Variants in C1orf35 observed in about 807,000 individuals in gnomAD.
C1orf35 encodes the protein chromosome 1 open reading frame 35.
In C1orf35, 36 loss-of-function variants were observed where a neutral mutation model predicts 30.9. The observed-to-expected ratio is 1.16, with a 90% CI of 0.89 to 1.54. The LOEUF (loss-of-function observed/expected upper bound fraction) is 1.54, where lower values mean the gene tolerates loss of function less well. Among genes scored for constraint, C1orf35 ranks in the 40% most tolerant of loss-of-function variants. The probability of loss-of-function intolerance (pLI) is 0.00; values close to 1 mark genes in which losing one functional copy is unlikely to be tolerated. For missense variants in C1orf35, 396 were observed against 358.7 expected, an observed-to-expected ratio of 1.10 and a Z score of -0.84; for synonymous variants, 179 against 148.2, an observed-to-expected ratio of 1.21 and a Z score of -1.51.
In C1orf35 at chr1:228,102,122, G is replaced by A. The variant is rs1338646634; in HGVS notation, c.491C>T (p.Ser164Leu). 1.9e-6 allele frequency: 3 copies of A among 1,575,972 alleles called. No homozygotes were observed. The highest frequency in any genetic ancestry group is 1.8e-5 in the Admixed American group (1 of 56,274). ...ESGGPGTSAA[S>L]ARRKPRAEDQ... ...CTCCGCCCGCGGCTTCCTCCTGGCCGAGGCTGCCGAGGTCCCGGGCCCGCC... is the reference window on the plus strand; with the variant it reads ...CTCCGCCCGCGGCTTCCTCCTGGCCAAGGCTGCCGAGGTCCCGGGCCCGCC... Residue 164 changes from serine to leucine, a missense_variant, in exon 6 of 8, where the codon TCG becomes TTG. Ser to Leu is a moderately radical substitution (Grantham distance 145). Transcript: ENST00000272139.
chr1:228,101,818 A>C, intron 6 of C1orf35: 2 of 1,409,128 alleles, frequency 1.4e-6, no homozygotes, highest in Non-Finnish European at 1.8e-6. Flanking sequence ...CGGCAGGAAA[A>C]GGCCCCGCCC....
chr1:228,103,048 G>A lies in C1orf35; in HGVS notation c.96C>T (p.Gly32=). 6.3e-7 allele frequency: 1 copy of A among 1,599,114 alleles called. No individual in the cohort carries two copies. Among genetic ancestry groups the A allele is most frequent in the Non-Finnish European group, 8.5e-7 (1 of 1,174,184 alleles). Residue 32 remains glycine (G), a splice_region_variant and synonymous_variant, in exon 2 of 8, where the codon GGC becomes GGT. Transcript: ENST00000272139. ...GGCCTACCGGCGCCATCAGCGAGTT[G>A]CCTGCGGACGTAGACGCTGTGAGTC... ...KTDKQRENYL[G]NSLMAPVGRW...
rs1282410204 is a variant in C1orf35, at chr1:228,101,093, T to C, written c.*38A>G. ...GGAGGCAAGCAAGGTGAAGGGAGGG[T>C]TCAGGGTCCCACAACAGCAGTGAGC... On this transcript the variant is annotated 3_prime_UTR_variant, in exon 8 of 8. Transcript: ENST00000272139. 6.2e-7 allele frequency: 1 copy of C among 1,607,594 alleles called. No homozygotes were observed. Among genetic ancestry groups the C allele is most frequent in the Non-Finnish European group, 8.5e-7 (1 of 1,179,800 alleles).
Position 228,102,104 on chromosome 1 carries a change from C to G in C1orf35, c.509G>C (p.Arg170Pro). The G allele has an allele frequency of 6.3e-7, 1 of 1,582,860 alleles. No homozygotes were observed. Among genetic ancestry groups the G allele is most frequent in the South Asian group, 1.1e-5 (1 of 88,254 alleles). Residue 170 changes from arginine to proline, a missense_variant, in exon 6 of 8, where the codon CGG (arginine) becomes CCG (proline). By Grantham distance (103) the Arg-to-Pro change is moderately radical. Coordinates refer to ENST00000272139, the MANE Select transcript of C1orf35 (RefSeq NM_024319.4). ...TSAASARRKP[R>P]AEDQTESSCE... Reference sequence around the variant, plus strand: ...CCTGCTTTCCGTCTGATCCTCCGCCCGCGGCTTCCTCCTGGCCGAGGCTGC... The same window carrying G: ...CCTGCTTTCCGTCTGATCCTCCGCCGGCGGCTTCCTCCTGGCCGAGGCTGC...
In C1orf35 at chr1:228,101,099, G is replaced by A. The variant is rs778651554; in HGVS notation, c.*32C>T. 5 of 1,609,158 alleles carry A rather than the reference G, an allele frequency of 3.1e-6. No homozygotes were observed. Among genetic ancestry groups the A allele is most frequent in the Admixed American group, 1.7e-5 (1 of 59,994 alleles). On this transcript the variant is annotated 3_prime_UTR_variant, in exon 8 of 8. Coordinates refer to ENST00000272139, the MANE Select transcript of C1orf35 (RefSeq NM_024319.4). ...AAGCAAGGTGAAGGGAGGGTTCAGG[G>A]TCCCACAACAGCAGTGAGCAGGGTC... is the stretch of plus-strand genomic sequence containing the variant.
In C1orf35 at chr1:228,100,974, G is replaced by A; in HGVS notation, c.*157C>T. On this transcript the variant is annotated 3_prime_UTR_variant, in exon 8 of 8. Coordinates refer to ENST00000272139, the MANE Select transcript of C1orf35 (RefSeq NM_024319.4). ...CAGGAAGCCGGCTGCTCCAGAGCTA[G>A]CTGTCAAGTCTTTAGCCCCACAGGC... 9.1e-7 allele frequency: 1 copy of A among 1,101,514 alleles called. No individual in the cohort carries two copies. The highest frequency in any genetic ancestry group is 1.3e-6 in the Non-Finnish European group (1 of 775,838). The allele number at this position is 1,101,514 out of a possible 1,614,324, so 68.2% of individuals were successfully genotyped here.
rs1017829436 is a variant in C1orf35, at chr1:228,101,791, C to T, written c.533+289G>A. 2.1e-6 allele frequency: 3 copies of T among 1,410,628 alleles called. No individual in the cohort carries two copies. The African/African-American group carries it at 4.3e-5, about 20-fold the overall frequency. The allele number at this position is 1,410,628 out of a possible 1,614,324, so 87.4% of individuals were successfully genotyped here. On this transcript the variant is annotated intron_variant, in intron 6 of 7. Coordinates refer to ENST00000272139, the MANE Select transcript of C1orf35 (RefSeq NM_024319.4). ...CCCAGGCTCACCATCCAGGAGAAGC[C>T]CTGGAGGTGCCACCCACGGCAGGAA...
intron 5 of C1orf35, 38 bp downstream of exon 5, chr1:228,102,272 G>T: frequency 6.2e-7 from 1 of 1,603,108 alleles, no homozygotes; most frequent in Non-Finnish European, 8.5e-7. Context: ...CCCCACCCCT[G>T]TTAGCCCCTG....
chr1:228,102,149 C>T lies in C1orf35; in HGVS notation c.464G>A (p.Ser155Asn). 1 of 1,585,152 alleles carries T rather than the reference C, an allele frequency of 6.3e-7. No homozygotes were observed. Among genetic ancestry groups the T allele is most frequent in the Non-Finnish European group, 8.5e-7 (1 of 1,173,116 alleles). ...LSVFTHHRVESGGPGTSAASA... is the reference protein window; with the variant it reads ...LSVFTHHRVENGGPGTSAASA... ...GGCTGCCGAGGTCCCGGGCCCGCCGCTCTCTACGCGGTGATGCTGCGGGAG... is the reference window on the plus strand; with the variant it reads ...GGCTGCCGAGGTCCCGGGCCCGCCGTTCTCTACGCGGTGATGCTGCGGGAG... The change falls in exon 6 of 8, where the codon AGC (serine) becomes AAC (asparagine). Residue 155 changes from serine (S) to asparagine (N), a missense_variant. Transcript: ENST00000272139.
chr1:228,102,779 C>T (rs1016134617), intron 2 of C1orf35, 91 bp from the exon 3 acceptor site: 1 of 1,465,226 alleles, frequency 6.8e-7, no homozygotes, highest in African/African-American at 1.4e-5. Context: ...AGGGTCCCGC[C>T]CGCGCGAGTC....
rs140393278 is a variant in C1orf35 at position 228,101,162 on chromosome 1, C to T, written c.761G>A (p.Arg254His). 271 of 1,613,836 alleles carry T rather than the reference C, an allele frequency of 1.7e-4. No homozygotes were observed. The highest frequency in any genetic ancestry group is 2.2e-4 in the Non-Finnish European group (258 of 1,180,050). Residue 254 changes from arginine to histidine, a missense_variant, in exon 8 of 8, where the codon CGC (arginine) becomes CAC (histidine). Arg to His is a conservative substitution (Grantham distance 29, BLOSUM62 0). Coordinates refer to ENST00000272139, the MANE Select transcript of C1orf35 (RefSeq NM_024319.4). ...GHSGDRRSPSRRWHDRGSEA is the reference protein window; with the variant it reads ...GHSGDRRSPSHRWHDRGSEA Reference sequence around the variant, plus strand: ...CTCAGAGCCTCTGTCATGCCACCTGCGAGACGGGCTCCTCCTGTCCCCACT... The same window carrying T: ...CTCAGAGCCTCTGTCATGCCACCTGTGAGACGGGCTCCTCCTGTCCCCACT...
chr1:228,103,071 G>C, intron 1 of C1orf35, 22 bp from the exon 2 acceptor site: 2 of 1,605,522 alleles, frequency 1.2e-6, no homozygotes, highest in Non-Finnish European at 1.7e-6. Context: ...GACGCTGTGA[G>C]TCCAGCGCCC....
At position 228,101,224 on chromosome 1, in the gene C1orf35, G is replaced by A; in HGVS notation, c.699C>T (p.Ser233=). Reference sequence around the variant, plus strand: ...TCCTCCTCTTACAGCAGGGGGAGTTGGAGTCGGAGTCATGGTGGTGGTGCC... The same window carrying A: ...TCCTCCTCTTACAGCAGGGGGAGTTAGAGTCGGAGTCATGGTGGTGGTGCC... ...RPRHHHHDSD[S]NSPCCKRRKR... The change falls in exon 8 of 8, where the codon TCC becomes TCT. Residue 233 remains serine, a synonymous_variant. Transcript: ENST00000272139. The A allele has an allele frequency of 6.2e-7, 1 of 1,614,124 alleles. No individual in the cohort carries two copies. The highest frequency in any genetic ancestry group is 8.5e-7 in the Non-Finnish European group (1 of 1,180,016).
In C1orf35 at chr1:228,103,316, G is replaced by A; in HGVS notation, c.-89C>T. On this transcript the variant is annotated 5_prime_UTR_variant, in exon 1 of 8. Coordinates refer to ENST00000272139, the MANE Select transcript of C1orf35 (RefSeq NM_024319.4). ...CGCTACCCACTACCGTCGGACCCAGGCCCGACCCCGCCTCCGCGTCGCGCG... is the reference window on the plus strand; with the variant it reads ...CGCTACCCACTACCGTCGGACCCAGACCCGACCCCGCCTCCGCGTCGCGCG... 2 of 1,440,338 alleles carry A rather than the reference G, an allele frequency of 1.4e-6. No individual in the cohort carries two copies. Among genetic ancestry groups the A allele is most frequent in the Non-Finnish European group, 1.9e-6 (2 of 1,072,888 alleles). The allele number at this position is 1,440,338 out of a possible 1,614,324, so 89.2% of individuals were successfully genotyped here.
Position 228,102,492 on chromosome 1 carries a change from C to T in C1orf35, c.360G>A (p.Gly120=). The T allele has an allele frequency of 6.4e-7, 1 of 1,558,472 alleles. No homozygotes were observed. The highest frequency in any genetic ancestry group is 8.7e-7 in the Non-Finnish European group (1 of 1,155,380). ...PEEKGVDRLL[G]LGSASGSVGR... ...CCCGCCCGCACCTTGCGCTCCCCAG[C>T]CCCAGCAGCCGGTCCACGCCCTTCT... Residue 120 remains glycine (G), a synonymous_variant, in exon 4 of 8, where the codon GGG becomes GGA. Transcript: ENST00000272139.
At chr1:228,102,011 G>A in intron 6 of C1orf35, 69 bp downstream of exon 6, 1 of 1,442,288 alleles carries the variant, frequency 6.9e-7, no homozygotes, top group East Asian at 2.5e-5. Flanking sequence ...CTGCCCGAGT[G>A]GGAGCCGCTC....
Position 228,101,148 on chromosome 1 carries a change from T to C in C1orf35, c.775A>G (p.Arg259Gly). The change falls in exon 8 of 8, where the codon AGA (arginine) becomes GGA (glycine). Residue 259 changes from arginine to glycine, a missense_variant. By Grantham distance (125) the Arg-to-Gly change is moderately radical. Transcript: ENST00000272139. ...RRSPSRRWHD[R>G]GSEA Reference sequence around the variant, plus strand: ...TCCAGCCATCAGGCCTCAGAGCCTCTGTCATGCCACCTGCGAGACGGGCTC... The same window carrying C: ...TCCAGCCATCAGGCCTCAGAGCCTCCGTCATGCCACCTGCGAGACGGGCTC... The C allele has an allele frequency of 2.5e-6, 4 of 1,613,762 alleles. No homozygotes were observed. The highest frequency in any genetic ancestry group is 1.1e-5 in the South Asian group (1 of 91,076).
intron 2 of C1orf35, 96 bp from the exon 3 acceptor site, chr1:228,102,784 C>A: frequency 6.9e-7 from 1 of 1,458,588 alleles, no homozygotes. Context: ...CCCGCCCGCG[C>A]GAGTCCCCGC....
intron 2 of C1orf35, 94 bp downstream of exon 2, chr1:228,102,805 C>T: frequency 3.2e-6 from 4 of 1,258,842 alleles, no homozygotes; most frequent in Non-Finnish European, 4.2e-6. Flanking sequence ...AGCCCCGCTC[C>T]CGCCCAGCCC....
Sources: gnomAD v4.1 joint callset for allele counts on GRCh38, gnomAD v4.1.1 for gene constraint, MANE v1.5 for transcripts, NCBI Gene and HGNC (gene_info 2026-07-23, HGNC 2026-07-21) for gene names.